HDAC11: variants seen among roughly 807,000 people sequenced by gnomAD.
The protein encoded by HDAC11 is histone deacetylase 11.
Under a neutral mutation model 41.1 loss-of-function variants are expected in HDAC11, and 23 were observed. The observed-to-expected ratio is 0.56, with a 90% CI of 0.40 to 0.79. HDAC11 has a LOEUF of 0.79. Among genes scored for constraint, HDAC11 ranks in the 30% least tolerant of loss-of-function variants. The pLI, the probability that HDAC11 is intolerant of heterozygous loss-of-function variation, is 0.00. For synonymous variants in HDAC11, 187 were observed against 186.6 expected (o/e 1.00, Z -0.02); for missense variants, 402 against 477.3 (o/e 0.84, Z 1.47).
intron 3 of HDAC11, among the ~76,000 whole-genome samples, chr3:13,490,331 TCC>T (rs1313023902): frequency 6.6e-6 from 1 of 152,134 alleles, no homozygotes; most frequent in Non-Finnish European, 1.5e-5. Flanking sequence ...CTGTTTGAGG[TCC>T]CTTGAGATTC....
intron 3 of HDAC11, 79 bp from the exon 4 acceptor site, chr3:13,496,657 A>T (rs879937183): frequency 1.1e-5 from 10 of 883,468 alleles, no homozygotes; most frequent in Admixed American, 2.1e-5. Context: ...TCCTCAAGGC[A>T]TTTCCCGGGG....
chr3:13,497,638 A>T (rs1251723163), intron 4 of HDAC11, among the ~76,000 whole-genome samples: 3 of 152,230 alleles, frequency 2.0e-5, no homozygotes, highest in African/African-American at 7.2e-5. Context: ...AATGTGCCAC[A>T]CACTGCCTAG....
At position 13,504,285 on chromosome 3, in the gene HDAC11, C is replaced by T. The variant is rs775126470; in HGVS notation, c.828+13C>T. On this transcript the variant is annotated intron_variant, in intron 9 of 9. Coordinates refer to ENST00000295757, the MANE Select transcript of HDAC11 (RefSeq NM_024827.4). The stretch of plus-strand genomic sequence containing the variant: ...CATCAGCCCAGCGGTACGTCCTGAC[C>T]CTTGGGGCCACGGGAGGGTCTGCTC... The T allele has an allele frequency of 2.5e-6, 4 of 1,612,062 alleles. No homozygotes were observed. Among genetic ancestry groups the T allele is most frequent in the Admixed American group, 3.3e-5 (2 of 60,000 alleles).
intron 1 of HDAC11, 23 bp from the exon 2 acceptor site, chr3:13,481,223 G>A (rs758795589): frequency 5.6e-6 from 9 of 1,607,642 alleles, no homozygotes; most frequent in Non-Finnish European, 6.8e-6. Context: ...CCAGCTGTGC[G>A]TCTGTCTTTT....
At chr3:13,501,535 G>A (rs1702365279) in intron 6 of HDAC11, 1 of 517,606 alleles carries the variant, frequency 1.9e-6, no homozygotes, top group South Asian at 1.7e-5. Context: ...CAGGGCTGTG[G>A]GGATTCTCTC....
chr3:13,493,030 C>A (rs1347811164), intron 3 of HDAC11, among the ~76,000 whole-genome samples: 1 of 152,194 alleles, frequency 6.6e-6, no homozygotes, highest in Non-Finnish European at 1.5e-5. Context: ...CCTGTCCACC[C>A]CAGTCCTAGC....
chr3:13,484,244 G>A (rs1484857543), intron 3 of HDAC11, among the ~76,000 whole-genome samples: 5 of 152,186 alleles, frequency 3.3e-5, no homozygotes, highest in East Asian at 1.9e-4. Context: ...GGTTACAGGC[G>A]TGAGCCACCG....
intron 3 of HDAC11, among the ~76,000 whole-genome samples, chr3:13,494,441 C>T (rs1056851491): frequency 4.6e-5 from 7 of 152,282 alleles, no homozygotes; most frequent in African/African-American, 1.2e-4. Flanking sequence ...CATACACACA[C>T]GCACACACGC....
At chr3:13,495,570 C>G (rs1702058775) in intron 3 of HDAC11, among the ~76,000 whole-genome samples, 1 of 152,182 alleles carries the variant, frequency 6.6e-6, no homozygotes, top group South Asian at 2.1e-4. Flanking sequence ...GCTGCTACTT[C>G]TCTATTCCTG....
Position 13,483,455 on chromosome 3 carries a change from T to C in HDAC11, c.152-9T>C. 2 of 1,612,384 alleles carry C rather than the reference T, an allele frequency of 1.2e-6. No homozygotes were observed. The highest frequency in any genetic ancestry group is 1.7e-6 in the Non-Finnish European group (2 of 1,178,586). ...GTGGGGAAGCAGGATGCTCCCTCTG[T>C]GGTTTCAGAAGAGAAGCTTCTGTCT... On this transcript the variant is annotated splice_polypyrimidine_tract_variant and intron_variant, in intron 2 of 9. Transcript: ENST00000295757.
intron 3 of HDAC11, among the ~76,000 whole-genome samples, chr3:13,485,173 G>T (rs796839596): frequency 6.6e-6 from 1 of 152,236 alleles, no homozygotes; most frequent in African/African-American, 2.4e-5. Context: ...TCCCAGTCAG[G>T]GCTGCTGCCT....
chr3:13,496,836 C>G lies in HDAC11; in HGVS notation c.353C>G (p.Thr118Arg). The G allele has an allele frequency of 6.4e-7, 1 of 1,564,798 alleles. No homozygotes were observed. Among genetic ancestry groups the G allele is most frequent in the East Asian group, 2.4e-5 (1 of 41,418 alleles). ...RKVLRPLRTQ[T>R]GGTIMAGKLA... Reference sequence around the variant, plus strand: ...GTGCTGAGGCCCCTTCGGACCCAGACAGGAGGAACCATAATGGTAGGTGGG... The same window carrying G: ...GTGCTGAGGCCCCTTCGGACCCAGAGAGGAGGAACCATAATGGTAGGTGGG... Residue 118 changes from threonine to arginine, a missense_variant, in exon 4 of 10, where the codon ACA (threonine) becomes AGA (arginine). Physicochemically the swap from Thr to Arg is moderately conservative, Grantham distance 71 (BLOSUM62 -1). Coordinates refer to ENST00000295757, the MANE Select transcript of HDAC11 (RefSeq NM_024827.4).
chr3:13,497,742 T>C (rs1442040305), intron 4 of HDAC11, among the ~76,000 whole-genome samples: 3 of 152,210 alleles, frequency 2.0e-5, no homozygotes, highest in East Asian at 3.8e-4. Flanking sequence ...AGTTCTGTTA[T>C]GTTTGTAAAT....
intron 3 of HDAC11, among the ~76,000 whole-genome samples, chr3:13,493,992 G>A (rs1701978246): frequency 6.6e-6 from 1 of 152,246 alleles, no homozygotes; most frequent in South Asian, 2.1e-4. Context: ...GGGGAGCAAA[G>A]TTAGAATGGA....
At position 13,481,313 on chromosome 3, in the gene HDAC11, TACA is replaced by T; in HGVS notation, c.74_76del (p.Asn25del). On this transcript the variant is annotated inframe_deletion, in exon 2 of 10. Transcript: ENST00000295757. ...CTGGCCAATCGTGTACTCGCCGCGCTACAACATCACCTTCATGGGCCTGGAGAA... is the reference window on the plus strand; with the variant it reads ...CTGGCCAATCGTGTACTCGCCGCGCTACATCACCTTCATGGGCCTGGAGAA... 5 of 1,613,774 alleles carry T rather than the reference TACA, an allele frequency of 3.1e-6. No homozygotes were observed. Among genetic ancestry groups the T allele is most frequent in the Middle Eastern group, 3.5e-4 (2 of 5,744 alleles).
chr3:13,490,106 GC>G (rs1300482077), intron 3 of HDAC11, among the ~76,000 whole-genome samples: 2 of 151,572 alleles, frequency 1.3e-5, no homozygotes, highest in Non-Finnish European at 2.9e-5. Flanking sequence ...TGATTCTCCT[GC>G]CTCAGCCTCC....
At chr3:13,504,356 G>C in intron 9 of HDAC11, 84 bp downstream of exon 9, 1 of 1,587,164 alleles carries the variant, frequency 6.3e-7, no homozygotes, top group Non-Finnish European at 8.6e-7. Context: ...TCATGTCAGG[G>C]AGGAGATGGA....
At chr3:13,489,998 C>CT (rs144558733) in intron 3 of HDAC11, among the ~76,000 whole-genome samples, 8,240 of 145,100 alleles carry the variant, frequency 0.057, 300 homozygotes, top group East Asian at 0.11. Flanking sequence ...CAACTTTGTT[C>CT]TTTTTTTTTT....
chr3:13,504,778 G>A lies in HDAC11; in HGVS notation c.*95G>A. ...TGGGGTGGTGGAGGCAGCCTTCAGT[G>A]AGCATGGAGGGGCAGGGCCATCCCT... On this transcript the variant is annotated 3_prime_UTR_variant, in exon 10 of 10. Transcript: ENST00000295757. 1.8e-6 allele frequency: 2 copies of A among 1,081,388 alleles called. No homozygotes were observed. The highest frequency in any genetic ancestry group is 2.7e-6 in the Non-Finnish European group (2 of 730,606). 67.0% of individuals were successfully genotyped at this position (1,081,388 alleles called of 1,614,324 possible).
Sources: allele counts gnomAD v4.1 joint callset (sites outside exome capture counted in the v4.1 genomes callset), GRCh38; gene constraint gnomAD v4.1.1; transcripts MANE v1.5; gene names NCBI Gene and HGNC (gene_info 2026-07-23, HGNC 2026-07-21).